Variants in CNDP1 observed in about 807,000 individuals in gnomAD.
CNDP1 encodes beta-Ala-His dipeptidase.
A neutral mutation model predicts 58.1 loss-of-function variants in CNDP1; 44 were observed. That is an observed-to-expected ratio of 0.76 (90% CI 0.60 to 0.97). The LOEUF (loss-of-function observed/expected upper bound fraction) is 0.97. Among genes scored for constraint, CNDP1 ranks in the 50% least tolerant of loss-of-function variants. CNDP1 has a pLI of 0.00. For synonymous variants in CNDP1, 254 were observed against 252.6 expected (o/e 1.01, Z -0.05); for missense variants, 616 against 655.1 (o/e 0.94, Z 0.65).
At chr18:74,543,105 T>C (rs1348142203) in intron 1 of CNDP1, among the ~76,000 whole-genome samples, 1 of 152,204 alleles carries the variant, frequency 6.6e-6, no homozygotes, top group African/African-American at 2.4e-5. Flanking sequence ...GCAAACGAAG[T>C]ATGTTTAAAT....
At chr18:74,579,083 C>T (rs1473597102) in intron 9 of CNDP1, among the ~76,000 whole-genome samples, 3 of 151,900 alleles carry the variant, frequency 2.0e-5, no homozygotes, top group South Asian at 2.1e-4. Flanking sequence ...TCTCTTTCTC[C>T]CTCCCGGCTT....
In CNDP1 at chr18:74,578,174, A is replaced by G. The variant is rs746630269; in HGVS notation, c.1014A>G (p.Leu338=). 1.8e-5 allele frequency: 29 copies of G among 1,608,160 alleles called. No individual in the cohort carries two copies. Among genetic ancestry groups the G allele is most frequent in the Non-Finnish European group, 2.5e-5 (29 of 1,178,338 alleles). Residue 338 remains leucine (L), a synonymous_variant, in exon 9 of 12, where the codon CTA becomes CTG. Coordinates refer to ENST00000358821, the MANE Select transcript of CNDP1 (RefSeq NM_032649.6). ...TTATTTTAATATAGGAGGAGATTCT[A>G]ATGCACCTCTGGAGGTACCCATCTC... ...KFLFDTKEEI[L]MHLWRYPSLS...
At chr18:74,572,808 A>AGAAAG (rs1251238792) in intron 7 of CNDP1, among the ~76,000 whole-genome samples, 4 of 135,392 alleles carry the variant, frequency 3.0e-5, no homozygotes, top group Non-Finnish European at 6.1e-5. Flanking sequence ...AAAAAAAAAA[A>AGAAAG]AAAGAAAGAA....
At chr18:74,536,675 G>A (rs1307096686) in intron 1 of CNDP1, among the ~76,000 whole-genome samples, 1 of 152,178 alleles carries the variant, frequency 6.6e-6, no homozygotes, top group Non-Finnish European at 1.5e-5. Flanking sequence ...GGGATTATTG[G>A]GTCAAACGGT....
intron 6 of CNDP1, 48 bp downstream of exon 6, chr18:74,567,481 A>G (rs1234416410): frequency 1.4e-6 from 2 of 1,463,254 alleles, no homozygotes; most frequent in African/African-American, 1.4e-5. Context: ...GGGGTTGTGA[A>G]TGGGAGCACC....
intron 6 of CNDP1, 106 bp downstream of exon 6, chr18:74,567,539 G>A: frequency 9.9e-7 from 1 of 1,011,690 alleles, no homozygotes; most frequent in Non-Finnish European, 1.5e-6. Context: ...TTTCCTGAGG[G>A]CAGAGGCCTT....
In CNDP1 at chr18:74,556,419, G is replaced by C. The variant is rs547223149; in HGVS notation, c.106G>C (p.Glu36Gln). Residue 36 changes from glutamate (E) to glutamine (Q), a missense_variant, in exon 2 of 12, where the codon GAG (glutamate) becomes CAG (glutamine). Coordinates refer to ENST00000358821, the MANE Select transcript of CNDP1 (RefSeq NM_032649.6). ...ACCCTCCCCGCCCCCGGCGCTGTTA[G>C]AGAAAGTCTTCCAGTACATTGACCT... The part of the protein sequence containing the change: ...SSPSPPPALL[E>Q]KVFQYIDLHQ... The C allele has an allele frequency of 1.2e-6, 2 of 1,614,230 alleles. No individual in the cohort carries two copies. Among genetic ancestry groups the C allele is most frequent in the Admixed American group, 3.3e-5 (2 of 60,028 alleles).
At chr18:74,549,801 C>T (rs1980855062) in intron 1 of CNDP1, among the ~76,000 whole-genome samples, 1 of 152,208 alleles carries the variant, frequency 6.6e-6, no homozygotes, top group Admixed American at 6.5e-5. Flanking sequence ...TGGGCCAGAC[C>T]TGGGACAGCA....
chr18:74,565,846 G>C (rs752140321), intron 5 of CNDP1, among the ~76,000 whole-genome samples: 8 of 152,190 alleles, frequency 5.3e-5, no homozygotes, highest in Non-Finnish European at 8.8e-5. Flanking sequence ...GCCCCACTAG[G>C]GACTTCATGT....
intron 3 of CNDP1, 148 bp from the exon 4 acceptor site, chr18:74,560,708 A>C (rs34117300): frequency 1.3e-6 from 1 of 771,742 alleles, no homozygotes; most frequent in Non-Finnish European, 2.2e-6. Flanking sequence ...AAAGAAAAAA[A>C]AAGTGTTTCA....
intron 7 of CNDP1, among the ~76,000 whole-genome samples, chr18:74,575,833 G>GTA (rs200675929): frequency 0.12 from 16,557 of 132,862 alleles, 1,270 homozygotes; most frequent in Middle Eastern, 0.21. Context: ...GTGTATACAT[G>GTA]TGTGTGTGTG....
intron 8 of CNDP1, 78 bp from the exon 9 acceptor site, chr18:74,578,080 AGAGGC>A (rs2144576584): frequency 8.0e-7 from 1 of 1,257,038 alleles, no homozygotes; most frequent in South Asian, 1.4e-5. Context: ...GGTGTCTCAG[AGAGGC>A]AGAGGGTGGT....
chr18:74,539,466 C>T (rs370105489), intron 1 of CNDP1, among the ~76,000 whole-genome samples: 2 of 152,198 alleles, frequency 1.3e-5, no homozygotes, highest in East Asian at 1.9e-4. Context: ...CAGCAAATGC[C>T]GGAGGGAGCT....
chr18:74,562,289 G>A (rs955629147), intron 5 of CNDP1, among the ~76,000 whole-genome samples, 154 bp downstream of exon 5: 3 of 152,198 alleles, frequency 2.0e-5, no homozygotes, highest in Non-Finnish European at 4.4e-5. Flanking sequence ...CCATTTTGCA[G>A]ATAAGGACAG....
chr18:74,556,365 CTG>C lies in CNDP1; in HGVS notation c.53_54del (p.Leu18ProfsTer25). The C allele has an allele frequency of 6.2e-7, 1 of 1,614,048 alleles. No individual in the cohort carries two copies. Among genetic ancestry groups the C allele is most frequent in the Non-Finnish European group, 8.5e-7 (1 of 1,179,984 alleles). ...MAASLLAVLL[L>X]LLERGMFSSP... The stretch of plus-strand genomic sequence containing the variant: ...TGCGTCCCTGCTGGCTGTGCTGCTG[CTG>C]CTGCTGGAGCGCGGCATGTTCTCCT... On this transcript the variant is annotated frameshift_variant, in exon 2 of 12. Coordinates refer to ENST00000358821, the MANE Select transcript of CNDP1 (RefSeq NM_032649.6). LOFTEE classifies it high-confidence loss of function.
At chr18:74,565,806 G>A (rs1434583529) in intron 5 of CNDP1, among the ~76,000 whole-genome samples, 1 of 152,162 alleles carries the variant, frequency 6.6e-6, no homozygotes, top group African/African-American at 2.4e-5. Context: ...GGAGGACAGT[G>A]GCCCTCTTCT....
rs560959095 is a variant in CNDP1, at chr18:74,564,587, C to T, written c.555+2452C>T. Among the ~76,000 whole-genome samples the T allele has an allele frequency of 5.9e-5, 9 of 152,246 alleles. No homozygotes were observed. In the South Asian group the frequency reaches 6.2e-4, roughly 11 times the overall value. On this transcript the variant is annotated intron_variant, in intron 5 of 11. Coordinates refer to ENST00000358821, the MANE Select transcript of CNDP1 (RefSeq NM_032649.6). Reference sequence around the variant, plus strand: ...GCTCAGAATTATGAGGACAGAAAAGCGATTTGTAATTGCCTAACCTTTCTT... The same window carrying T: ...GCTCAGAATTATGAGGACAGAAAAGTGATTTGTAATTGCCTAACCTTTCTT...
chr18:74,546,392 C>A (rs146211733), intron 1 of CNDP1, among the ~76,000 whole-genome samples: 1 of 152,166 alleles, frequency 6.6e-6, no homozygotes, highest in Non-Finnish European at 1.5e-5. Context: ...GTGGGAGCAC[C>A]GAGGGCCCAC....
chr18:74,534,794 G>T lies in CNDP1; in HGVS notation c.24+103G>T, dbSNP rs552781681. The T allele has an allele frequency of 4.9e-4, 658 of 1,330,112 alleles. 1 individual carries two copies. Among genetic ancestry groups the T allele is most frequent in the Non-Finnish European group, 6.8e-4 (626 of 925,992 alleles). 82.4% of individuals were successfully genotyped at this position (1,330,112 alleles called of 1,614,324 possible). A position where few individuals can be genotyped will look rare whatever the true frequency, so the allele number is the denominator to read the frequency against. ...CCCAGTTGGGCAGGGCAGGCACCCAGCGTGGCCCCAGATGCTGCTCCTCAT... is the reference window on the plus strand; with the variant it reads ...CCCAGTTGGGCAGGGCAGGCACCCATCGTGGCCCCAGATGCTGCTCCTCAT... On this transcript the variant is annotated intron_variant, in intron 1 of 11. Transcript: ENST00000358821.
Sources: gnomAD v4.1 joint callset for allele counts (sites outside exome capture counted in the v4.1 genomes callset) on GRCh38, gnomAD v4.1.1 for gene constraint, MANE v1.5 for transcripts, NCBI Gene and HGNC (gene_info 2026-07-23, HGNC 2026-07-21) for gene names.